SIAH1: variants seen among roughly 807,000 people sequenced by gnomAD.
SIAH1 encodes the protein E3 ubiquitin-protein ligase SIAH1.
A neutral mutation model predicts 20.0 loss-of-function variants in SIAH1; 2 were observed. The ratio of observed to expected loss-of-function variants is 0.10; its 90% CI spans 0.04 to 0.31. SIAH1 has a LOEUF of 0.31. SIAH1 is among the 10% of genes least tolerant of loss of function. The pLI is 1.00. For synonymous variants in SIAH1, 118 were observed against 125.3 expected, an observed-to-expected ratio of 0.94 and a Z score of 0.39; for missense variants, 119 against 355.3, an observed-to-expected ratio of 0.33 and a Z score of 5.35.
At chr16:48,365,962 C>T (rs2151047449) in intron 1 of SIAH1, 1 of 1,152,748 alleles carries the variant, frequency 8.7e-7, no homozygotes, top group Non-Finnish European at 1.1e-6. Context: ...CCTACTCCAA[C>T]CCGGGGCGCC....
At chr16:48,383,315 T>C (rs749015668) in intron 1 of SIAH1, among the ~76,000 whole-genome samples, 3 of 152,208 alleles carry the variant, frequency 2.0e-5, no homozygotes, top group Non-Finnish European at 2.9e-5. Context: ...TCTGTATCTT[T>C]ATTTAAATTT....
chr16:48,368,801 A>C (rs59103644), intron 1 of SIAH1, among the ~76,000 whole-genome samples: 1,936 of 152,298 alleles, frequency 0.013, 44 homozygotes, highest in African/African-American at 0.044. Context: ...TAAAACAAAA[A>C]TTATTCTTAG....
Position 48,362,615 on chromosome 16 carries a change from AG to A in SIAH1, c.-2-186del. On this transcript the variant is annotated intron_variant, in intron 1 of 1. Transcript: ENST00000394725. This position sits in a 1 kb window ranked among gnomAD's most constrained non-coding sequence, Gnocchi z 4.2. ...AATTACACTGAATGTGCACTTTATT[AG>A]GATCTGTACACTGGATAAGCTCTCT... 1 of 618,028 alleles carries A rather than the reference AG, an allele frequency of 1.6e-6. No homozygotes were observed. The allele number at this position is 618,028 out of a possible 1,614,324, so 38.3% of individuals were successfully genotyped here.
At chr16:48,363,033 A>G (rs1034824594) in intron 1 of SIAH1, 1 of 166,914 alleles carries the variant, frequency 6.0e-6, no homozygotes, top group Non-Finnish European at 1.5e-5. Flanking sequence ...TAAGTAATCC[A>G]GAGATCACTT....
At chr16:48,367,942 G>C (rs764314355) in intron 1 of SIAH1, among the ~76,000 whole-genome samples, 1 of 152,102 alleles carries the variant, frequency 6.6e-6, no homozygotes, top group Non-Finnish European at 1.5e-5. Flanking sequence ...AGTTTAAGTA[G>C]ATGTCAATCT....
At chr16:48,370,062 G>T (rs1960944839) in intron 1 of SIAH1, among the ~76,000 whole-genome samples, 1 of 152,176 alleles carries the variant, frequency 6.6e-6, no homozygotes, top group South Asian at 2.1e-4. Flanking sequence ...GCTATTCAAT[G>T]ATGTAAGTGA....
At chr16:48,370,086 T>C (rs548798469) in intron 1 of SIAH1, among the ~76,000 whole-genome samples, 1 of 152,332 alleles carries the variant, frequency 6.6e-6, no homozygotes, top group African/African-American at 2.4e-5. Flanking sequence ...AAAAGCCTAA[T>C]GCCATTTTCA....
chr16:48,366,196 C>G (rs962708129), intron 1 of SIAH1, among the ~76,000 whole-genome samples: 3 of 152,006 alleles, frequency 2.0e-5, no homozygotes, highest in African/African-American at 7.2e-5. Context: ...TAGGTCAGAA[C>G]AGTCGAATAT....
chr16:48,381,733 A>T (rs142840367), intron 1 of SIAH1, among the ~76,000 whole-genome samples: 1 of 152,338 alleles, frequency 6.6e-6, no homozygotes, highest in Non-Finnish European at 1.5e-5. Context: ...AAAAGAAAGA[A>T]GATAAGTGGT....
Position 48,385,330 on chromosome 16 carries a change from C to T in SIAH1, c.-129G>A. ...GAGACCGACGGGACACCCTGGGCCG[C>T]CGCCGCCTCTCGAGAGCGCGCCCCG... On this transcript the variant is annotated 5_prime_UTR_variant, in exon 1 of 2. Coordinates refer to ENST00000394725, the MANE Select transcript of SIAH1 (RefSeq NM_003031.4). 1 of 178,460 alleles carries T rather than the reference C, an allele frequency of 5.6e-6. No individual in the cohort carries two copies. The highest frequency in any genetic ancestry group is 1.2e-5 in the Non-Finnish European group (1 of 82,948). 11.1% of individuals were successfully genotyped at this position (178,460 alleles called of 1,614,324 possible). A position where few individuals can be genotyped will look rare whatever the true frequency, so the allele number is the denominator to read the frequency against.
At position 48,362,011 on chromosome 16, in the gene SIAH1, A is replaced by C. The variant is rs1960616109; in HGVS notation, c.418T>G (p.Ser140Ala). ...AGATGGGGCATTACAGCATCCAGAG[A>C]GCCTTGCCATTTACAGGAAGCACCA... Reference protein sequence around the residue: ...CPGASCKWQGSLDAVMPHLMH... With the variant: ...CPGASCKWQGALDAVMPHLMH... The change falls in exon 2 of 2, where the codon TCT (serine) becomes GCT (alanine). Residue 140 changes from serine to alanine, a missense_variant. Ser to Ala is a moderately conservative substitution (Grantham distance 99). This residue lies in a region of SIAH1 where 84 missense variants were observed against 307.8 expected (regional missense o/e 0.27). Coordinates refer to ENST00000394725, the MANE Select transcript of SIAH1 (RefSeq NM_003031.4). The surrounding 1 kb of genome is among the most constrained non-coding windows in gnomAD (Gnocchi z 4.2). The C allele has an allele frequency of 6.2e-7, 1 of 1,614,054 alleles. No individual in the cohort carries two copies. The highest frequency in any genetic ancestry group is 1.7e-5 in the Admixed American group (1 of 59,994).
intron 1 of SIAH1, among the ~76,000 whole-genome samples, chr16:48,379,630 G>A (rs759928173): frequency 6.6e-6 from 1 of 152,196 alleles, no homozygotes; most frequent in Non-Finnish European, 1.5e-5. Flanking sequence ...ACACAAGGAT[G>A]ACCAAGTCGT....
chr16:48,369,575 CA>C (rs796831649), intron 1 of SIAH1, among the ~76,000 whole-genome samples: 1 of 151,668 alleles, frequency 6.6e-6, no homozygotes, highest in African/African-American at 2.4e-5. Context: ...CTCATCTCCA[CA>C]AAAAAAATAC....
At position 48,361,957 on chromosome 16, in the gene SIAH1, G is replaced by C; in HGVS notation, c.472C>G (p.Leu158Val). 2 of 1,614,178 alleles carry C rather than the reference G, an allele frequency of 1.2e-6. No individual in the cohort carries two copies. The highest frequency in any genetic ancestry group is 1.7e-6 in the Non-Finnish European group (2 of 1,180,032). ...AGAAAAACTATATCCTCTCCCTGTA[G>C]GGTTGTAATGGACTTATGCTGATGC... Reference protein sequence around the residue: ...LMHQHKSITTLQGEDIVFLAT... With the variant: ...LMHQHKSITTVQGEDIVFLAT... The change falls in exon 2 of 2, where the codon CTA becomes GTA. Residue 158 changes from leucine to valine, a missense_variant. Leu to Val is a conservative substitution (Grantham distance 32). Coordinates refer to ENST00000394725, the MANE Select transcript of SIAH1 (RefSeq NM_003031.4).
chr16:48,380,928 C>CAAAAAAAAAAAAAAA (rs59376248), intron 1 of SIAH1, among the ~76,000 whole-genome samples: 10,571 of 44,576 alleles, frequency 0.24, 4,105 homozygotes, highest in Non-Finnish European at 0.28. Flanking sequence ...GACTCCGTCT[C>CAAAAAAAAAAAAAAA]AAAAAAAAAA....
At chr16:48,381,996 T>C (rs1387172063) in intron 1 of SIAH1, among the ~76,000 whole-genome samples, 2 of 152,054 alleles carry the variant, frequency 1.3e-5, no homozygotes, top group Non-Finnish European at 2.9e-5. Flanking sequence ...TCTACTCAAG[T>C]TGCTATGAAC....
rs759648784 is a variant in SIAH1 at position 48,362,841 on chromosome 16, T to A, written c.-2-411A>T. The A allele has an allele frequency of 1.6e-5, 3 of 193,040 alleles. No homozygotes were observed. Among genetic ancestry groups the A allele is most frequent in the Non-Finnish European group, 3.6e-5 (3 of 84,374 alleles). The allele number at this position is 193,040 out of a possible 1,614,324, so 12.0% of individuals were successfully genotyped here. A position where few individuals can be genotyped will look rare whatever the true frequency, so the allele number is the denominator to read the frequency against. ...TATTTCTTTCTAATTTGGAGTCAGC[T>A]GTTGATAGGTACAGGGAGTTACAGG... is the stretch of plus-strand genomic sequence containing the variant. On this transcript the variant is annotated intron_variant, in intron 1 of 1. Coordinates refer to ENST00000394725, the MANE Select transcript of SIAH1 (RefSeq NM_003031.4). This position sits in a 1 kb window ranked among gnomAD's most constrained non-coding sequence, Gnocchi z 4.2.
chr16:48,371,264 C>A (rs969213723), intron 1 of SIAH1, among the ~76,000 whole-genome samples: 1 of 152,140 alleles, frequency 6.6e-6, no homozygotes, highest in Admixed American at 6.5e-5. Context: ...CCAGCCTGGG[C>A]AATACAGTGC....
chr16:48,381,678 GT>G (rs1333870567), intron 1 of SIAH1, among the ~76,000 whole-genome samples: 1 of 152,150 alleles, frequency 6.6e-6, no homozygotes, highest in African/African-American at 2.4e-5. Flanking sequence ...TAAAAGCCCA[GT>G]TACACATATG....
Sources: allele counts gnomAD v4.1 joint callset (sites outside exome capture counted in the v4.1 genomes callset), GRCh38; gene constraint gnomAD v4.1.1; regional missense constraint gnomAD v4.1.1; non-coding constraint Gnocchi (gnomAD v3.1); transcripts MANE v1.5; gene names NCBI Gene and HGNC (gene_info 2026-07-23, HGNC 2026-07-21).